Variants in AHI1 observed in about 807,000 individuals in gnomAD.
AHI1 encodes jouberin.
In AHI1, 123 loss-of-function variants were observed where a neutral mutation model predicts 149.3. That is an observed-to-expected ratio of 0.82 (90% CI 0.71 to 0.96). The LOEUF is 0.96. Among genes scored for constraint, AHI1 ranks in the 40% least tolerant of loss-of-function variants. AHI1 has a pLI of 0.00. For synonymous variants in AHI1, 475 were observed against 459.8 expected, an observed-to-expected ratio of 1.03 and a Z score of -0.42; for missense variants, 1,439 against 1,422.7, an observed-to-expected ratio of 1.01 and a Z score of -0.18.
At position 135,381,702 on chromosome 6, in the gene AHI1, G is replaced by A. The variant is rs374140353; in HGVS notation, c.3109+13074C>T. Reference sequence around the variant, plus strand: ...CTTTATAAGGATGATACATGTAATCGGACTTACTCTCCCCTCTGTGCTGCC... The same window carrying A: ...CTTTATAAGGATGATACATGTAATCAGACTTACTCTCCCCTCTGTGCTGCC... On this transcript the variant is annotated intron_variant, in intron 23 of 28. Transcript: ENST00000265602. Among the ~76,000 whole-genome samples, 13 of 152,220 alleles carry A rather than the reference G, an allele frequency of 8.5e-5. No individual in the cohort carries two copies. The East Asian group carries it at 1.9e-3, about 23-fold the overall frequency.
chr6:135,348,403 T>C (rs1235725859), intron 24 of AHI1, among the ~76,000 whole-genome samples: 1 of 152,192 alleles, frequency 6.6e-6, no homozygotes, highest in East Asian at 1.9e-4. Context: ...ACTGCTTCCT[T>C]AGAGTGGTTA....
At chr6:135,351,734 C>T (rs1256802577) in intron 24 of AHI1, among the ~76,000 whole-genome samples, 1 of 152,110 alleles carries the variant, frequency 6.6e-6, no homozygotes, top group East Asian at 1.9e-4. Flanking sequence ...ATGGGGTACA[C>T]CACAGGATCT....
At chr6:135,401,998 C>A (rs761865268) in intron 22 of AHI1, among the ~76,000 whole-genome samples, 3 of 151,834 alleles carry the variant, frequency 2.0e-5, no homozygotes, top group Non-Finnish European at 4.4e-5. Context: ...GACAAAAAAT[C>A]CCAATTTTAA....
At chr6:135,314,218 T>C (rs1785612804) in intron 26 of AHI1, among the ~76,000 whole-genome samples, 1 of 150,948 alleles carries the variant, frequency 6.6e-6, no homozygotes, top group African/African-American at 2.4e-5. Flanking sequence ...GGGAGGTAAT[T>C]AGGTCTTGAG....
chr6:135,363,954 A>C (rs1376650409), intron 23 of AHI1, among the ~76,000 whole-genome samples: 19 of 98,444 alleles, frequency 1.9e-4, no homozygotes, highest in South Asian at 7.3e-4. Flanking sequence ...TGACCCCCCC[A>C]CCTCCCTCCC....
intron 23 of AHI1, among the ~76,000 whole-genome samples, chr6:135,359,032 T>C (rs1793436499): frequency 6.6e-6 from 1 of 152,236 alleles, no homozygotes; most frequent in Non-Finnish European, 1.5e-5. Flanking sequence ...CTACAATGTC[T>C]GTTAATAGCA....
chr6:135,417,816 G>A (rs1377891787), intron 20 of AHI1, among the ~76,000 whole-genome samples: 3 of 152,046 alleles, frequency 2.0e-5, no homozygotes, highest in East Asian at 1.9e-4. Flanking sequence ...AACAGAAGCC[G>A]TTCAGAAGTT....
At chr6:135,375,850 T>C (rs1775832577) in intron 23 of AHI1, among the ~76,000 whole-genome samples, 1 of 152,156 alleles carries the variant, frequency 6.6e-6, no homozygotes, top group South Asian at 2.1e-4. Context: ...TCAGAGTTCT[T>C]TGGAGAAATG....
chr6:135,384,917 C>T (rs1017545784), intron 23 of AHI1, among the ~76,000 whole-genome samples: 3 of 152,032 alleles, frequency 2.0e-5, no homozygotes, highest in Non-Finnish European at 4.4e-5. Flanking sequence ...GGTGAAATCC[C>T]GCCTCTACTG....
intron 27 of AHI1, among the ~76,000 whole-genome samples, chr6:135,294,533 C>A (rs1293306364): frequency 6.6e-6 from 1 of 150,466 alleles, no homozygotes; most frequent in Non-Finnish European, 1.5e-5. Flanking sequence ...AACAAACAAC[C>A]CTCCCCCCAA....
At chr6:135,391,642 A>G (rs1418145877) in intron 23 of AHI1, among the ~76,000 whole-genome samples, 1 of 152,096 alleles carries the variant, frequency 6.6e-6, no homozygotes, top group Admixed American at 6.6e-5. Context: ...CCTTAAACAC[A>G]TTCATCTCAC....
chr6:135,483,477 T>C (rs1265885942), intron 5 of AHI1, among the ~76,000 whole-genome samples: 1 of 152,068 alleles, frequency 6.6e-6, no homozygotes, highest in Non-Finnish European at 1.5e-5. Context: ...AAAAATAAAG[T>C]GAGAGAGGAT....
chr6:135,464,375 G>C (rs528180094), intron 7 of AHI1, among the ~76,000 whole-genome samples: 15 of 152,180 alleles, frequency 9.9e-5, no homozygotes, highest in African/African-American at 3.6e-4. Context: ...TGGCTTACCA[G>C]TCTACCACAG....
chr6:135,300,091 G>A (rs909411376), intron 27 of AHI1, among the ~76,000 whole-genome samples: 5 of 152,028 alleles, frequency 3.3e-5, no homozygotes, highest in African/African-American at 4.8e-5. Context: ...TTGGGAGGCC[G>A]AGGCAGGTGG....
At chr6:135,329,147 G>A (rs1788154131) in intron 24 of AHI1, among the ~76,000 whole-genome samples, 1 of 152,242 alleles carries the variant, frequency 6.6e-6, no homozygotes, top group Non-Finnish European at 1.5e-5. Context: ...GCTGCAGCAA[G>A]TTATCCAGCT....
chr6:135,448,502 T>C, intron 11 of AHI1, 27 bp from the exon 12 acceptor site: 6 of 1,404,396 alleles, frequency 4.3e-6, no homozygotes, highest in Non-Finnish European at 5.7e-6. Context: ...ATATAAAATG[T>C]TACCTTCATT....
intron 24 of AHI1, among the ~76,000 whole-genome samples, chr6:135,327,983 A>C (rs1255298154): frequency 6.6e-6 from 1 of 152,184 alleles, no homozygotes; most frequent in African/African-American, 2.4e-5. Flanking sequence ...CCTGAGTTCC[A>C]TGAGTTACTC....
intron 5 of AHI1, among the ~76,000 whole-genome samples, chr6:135,470,524 A>ACTGCAGCACTACTCACAATAG (rs1448569907): frequency 5.9e-5 from 9 of 152,234 alleles, no homozygotes; most frequent in Non-Finnish European, 1.0e-4. Context: ...GCGTATGTTC[A>ACTGCAGCACTACTCACAATAG]CTGCAGCACT....
chr6:135,431,988 G>C (rs1051788133), intron 16 of AHI1, among the ~76,000 whole-genome samples: 4 of 130,352 alleles, frequency 3.1e-5, no homozygotes, highest in Non-Finnish European at 4.7e-5. Flanking sequence ...GGAGTAACAT[G>C]GACCAATTTC....
Sources: gnomAD v4.1 joint callset for allele counts (sites outside exome capture counted in the v4.1 genomes callset) on GRCh38, gnomAD v4.1.1 for gene constraint, MANE v1.5 for transcripts, NCBI Gene and HGNC (gene_info 2026-07-23, HGNC 2026-07-21) for gene names.